NEBL: variants seen among roughly 807,000 people sequenced by gnomAD.
The protein encoded by NEBL is LIM and SH3 protein 2.
NEBL carries 122 observed loss-of-function variants against 140.2 expected under a neutral mutation model. The observed-to-expected ratio is 0.87, with a 90% CI of 0.75 to 1.01. The LOEUF is 1.01. NEBL is among the 50% of genes least tolerant of loss of function. The probability of loss-of-function intolerance (pLI) is 0.00; values close to 1 mark genes in which losing one functional copy is unlikely to be tolerated. For missense variants in NEBL, 1,365 were observed against 1,231.3 expected, an observed-to-expected ratio of 1.11 and a Z score of -1.62; for synonymous variants, 436 against 398.9, an observed-to-expected ratio of 1.09 and a Z score of -1.11.
chr10:20,830,015 G>C (rs1330474609), intron 16 of NEBL, among the ~76,000 whole-genome samples: 1 of 152,110 alleles, frequency 6.6e-6, no homozygotes, highest in East Asian at 1.9e-4. Context: ...CATTGACTTA[G>C]GATTTTAGTT....
At chr10:20,939,403 C>G (rs1232064733) in intron 4 of NEBL, among the ~76,000 whole-genome samples, 1 of 152,134 alleles carries the variant, frequency 6.6e-6, no homozygotes, top group Non-Finnish European at 1.5e-5. Flanking sequence ...TTGTCACCAC[C>G]AAGCCTGCCC....
At chr10:20,943,910 C>T (rs992130161) in intron 4 of NEBL, among the ~76,000 whole-genome samples, 5 of 152,186 alleles carry the variant, frequency 3.3e-5, no homozygotes, top group African/African-American at 1.2e-4. Context: ...AGGGCCATCT[C>T]TTGGGTCGTC....
chr10:21,187,999 T>A (rs1841504678), intron 3 of NEBL, among the ~76,000 whole-genome samples: 1 of 152,138 alleles, frequency 6.6e-6, no homozygotes, highest in Non-Finnish European at 1.5e-5. Context: ...AGTGTTTCTC[T>A]CTCGGGCTTG....
chr10:21,072,593 G>A (rs759585797), intron 2 of NEBL, among the ~76,000 whole-genome samples: 10 of 152,224 alleles, frequency 6.6e-5, no homozygotes, highest in African/African-American at 1.2e-4. Flanking sequence ...GACAGAGTGC[G>A]GAGCACAGGA....
rs374529495 is a variant in NEBL, at chr10:21,116,477, A to G, written c.164+55906T>C. 7.9e-5 allele frequency among the ~76,000 whole-genome samples: 12 copies of G among 152,224 alleles called. 1 individual carries two copies. The East Asian group carries it at 2.1e-3, about 27-fold the overall frequency. On this transcript the variant is annotated intron_variant, in intron 2 of 6. Coordinates refer to the NEBL transcript ENST00000417816. ...CCAAATTACCAAAGTGTCCATCTCC[A>G]ATTATCATCACATTAAGAGTTAGGA...
chr10:20,988,153 C>T (rs1368238092), intron 3 of NEBL, among the ~76,000 whole-genome samples: 2 of 152,252 alleles, frequency 1.3e-5, no homozygotes, highest in Admixed American at 6.5e-5. Context: ...TCCTACTCTG[C>T]GTTGTATCCA....
chr10:21,206,374 A>T (rs1249657452), intron 3 of NEBL, among the ~76,000 whole-genome samples: 1 of 152,220 alleles, frequency 6.6e-6, no homozygotes, highest in Non-Finnish European at 1.5e-5. Context: ...CTTGGAATTT[A>T]ACATGTGCTA....
chr10:20,926,416 A>G (rs1833916239), intron 4 of NEBL, among the ~76,000 whole-genome samples: 1 of 152,082 alleles, frequency 6.6e-6, no homozygotes, highest in South Asian at 2.1e-4. Context: ...TTCTTTTATG[A>G]TCTCATTTTT....
At chr10:20,918,273 G>A (rs1025965580) in intron 4 of NEBL, among the ~76,000 whole-genome samples, 11 of 152,046 alleles carry the variant, frequency 7.2e-5, no homozygotes, top group Non-Finnish European at 1.2e-4. Context: ...CAGGAGAATC[G>A]CTTGAACCCA....
chr10:21,194,852 G>A (rs1379287889), intron 3 of NEBL, among the ~76,000 whole-genome samples: 1 of 136,024 alleles, frequency 7.4e-6, no homozygotes, highest in Non-Finnish European at 1.5e-5. Context: ...CTAATACACA[G>A]AGCTATGTAG....
At chr10:21,024,280 C>T (rs1159420221) in intron 2 of NEBL, among the ~76,000 whole-genome samples, 1 of 151,986 alleles carries the variant, frequency 6.6e-6, no homozygotes. Flanking sequence ...CAGTATGTAG[C>T]ATAACTTTCT....
intron 6 of NEBL, among the ~76,000 whole-genome samples, chr10:20,869,428 A>T (rs1844680451): frequency 6.6e-6 from 1 of 152,212 alleles, no homozygotes; most frequent in African/African-American, 2.4e-5. Context: ...GGGAGAGATT[A>T]TATGGGACCA....
At chr10:21,094,974 A>G (rs1464298717) in intron 2 of NEBL, among the ~76,000 whole-genome samples, 1 of 152,218 alleles carries the variant, frequency 6.6e-6, no homozygotes, top group East Asian at 1.9e-4. Flanking sequence ...GAAGGGATCC[A>G]AAGTGTAGGT....
intron 3 of NEBL, among the ~76,000 whole-genome samples, chr10:20,985,572 C>T (rs569226196): frequency 5.9e-5 from 9 of 152,100 alleles, no homozygotes; most frequent in South Asian, 2.1e-4. Context: ...ATTAAATATC[C>T]GACAAACCAG....
At chr10:21,151,291 C>A (rs765634903) in intron 2 of NEBL, among the ~76,000 whole-genome samples, 2 of 152,186 alleles carry the variant, frequency 1.3e-5, no homozygotes, top group Non-Finnish European at 2.9e-5. Flanking sequence ...AATCCTCCTG[C>A]GTCACCACTC....
At chr10:21,247,427 C>T (rs1416265752) in intron 3 of NEBL, among the ~76,000 whole-genome samples, 1 of 152,108 alleles carries the variant, frequency 6.6e-6, no homozygotes, top group African/African-American at 2.4e-5. Context: ...AAAACCAGAT[C>T]GGTAGCTGTC....
At chr10:21,162,627 C>T (rs1372071969) in intron 2 of NEBL, among the ~76,000 whole-genome samples, 1 of 152,214 alleles carries the variant, frequency 6.6e-6, no homozygotes, top group East Asian at 1.9e-4. Context: ...TCCCAACTCA[C>T]CTCCCACTCC....
chr10:20,813,617 CT>C (rs1485080210), intron 23 of NEBL: 2 of 272,944 alleles, frequency 7.3e-6, no homozygotes, highest in African/African-American at 4.3e-5. Context: ...TTTTCATATC[CT>C]TTATGACAGG....
chr10:21,061,386 A>ATG (rs1835294029), intron 2 of NEBL, among the ~76,000 whole-genome samples: 1 of 145,752 alleles, frequency 6.9e-6, no homozygotes, highest in African/African-American at 2.5e-5. Flanking sequence ...TTTATATCAT[A>ATG]TATCATATAT....
Sources: gnomAD v4.1 joint callset for allele counts (sites outside exome capture counted in the v4.1 genomes callset) on GRCh38, gnomAD v4.1.1 for gene constraint, MANE v1.5 for transcripts, NCBI Gene and HGNC (gene_info 2026-07-23, HGNC 2026-07-21) for gene names.